The following PCBP3 variants were observed in gnomAD, a reference collection of about 807,000 sequenced individuals.
PCBP3 encodes the protein poly(rC) binding protein 3.
In PCBP3, 25 loss-of-function variants were observed where a neutral mutation model predicts 52.7. That is an observed-to-expected ratio of 0.47 (90% confidence interval 0.35 to 0.66). The LOEUF is 0.66. Ranked by LOEUF, PCBP3 falls within the 30% of genes least tolerant of loss-of-function variation. The pLI is 0.01. For synonymous variants in PCBP3, 162 were observed against 183.0 expected, an observed-to-expected ratio of 0.89 and a Z score of 0.93; for missense variants, 391 against 490.3, an observed-to-expected ratio of 0.80 and a Z score of 1.91.
chr21:45,878,149 A>G (rs1293349588), intron 5 of PCBP3, among the ~76,000 whole-genome samples: 1 of 152,356 alleles, frequency 6.6e-6, no homozygotes, highest in East Asian at 1.9e-4. Context: ...ATCCTGTGGC[A>G]GCAGTGGCTT....
At chr21:45,820,131 G>A (rs1369149065) in intron 4 of PCBP3, among the ~76,000 whole-genome samples, 1 of 152,248 alleles carries the variant, frequency 6.6e-6, no homozygotes, top group Non-Finnish European at 1.5e-5. Flanking sequence ...CTCCTCTGAA[G>A]GGAGTGGCGC....
At chr21:45,813,691 GC>G (rs1569256955) in intron 4 of PCBP3, among the ~76,000 whole-genome samples, 2 of 152,220 alleles carry the variant, frequency 1.3e-5, no homozygotes. Context: ...TGATCCACCT[GC>G]CTTGGCCTCC....
At chr21:45,931,541 C>A (rs551322515) in intron 15 of PCBP3, among the ~76,000 whole-genome samples, 1 of 152,366 alleles carries the variant, frequency 6.6e-6, no homozygotes, top group South Asian at 2.1e-4. Flanking sequence ...AGGAGACTTC[C>A]AGCGTGGGCT....
rs1324877695 is a variant in PCBP3, at chr21:45,815,164, AGTGAGTG to A, written c.-125-34782_-125-34776del. 8.0e-3 allele frequency among the ~76,000 whole-genome samples: 76 copies of A among 9,540 alleles called. 1 individual carries two copies. The highest frequency in any genetic ancestry group is 0.041 in the Admixed American group (34 of 830). The allele number at this position is 9,540 out of a possible 152,430, so 6.3% of individuals were successfully genotyped here. ...GGTGAGTGGTGAGTGAGTGGTGAGT[AGTGAGTG>A]GTGAGTGGTGAGTGAGTGGTGAGTG... On this transcript the variant is annotated intron_variant, in intron 4 of 17. Transcript: ENST00000681687.
intron 4 of PCBP3, among the ~76,000 whole-genome samples, chr21:45,804,216 T>A (rs1354654622): frequency 6.6e-6 from 1 of 152,250 alleles, no homozygotes; most frequent in Non-Finnish European, 1.5e-5. Flanking sequence ...CACCGGGCTT[T>A]GTGCTGCAGG....
chr21:45,784,994 G>A lies in PCBP3; in HGVS notation c.-126+29542G>A, dbSNP rs1453898324. On this transcript the variant is annotated intron_variant, in intron 4 of 17. Coordinates refer to ENST00000681687, the MANE Select transcript of PCBP3 (RefSeq NM_001384156.1). ...AAGTGAGGAGCGTCTCTGCCCGGCCGCCATCCCATCTAGGAAGTGAGGAGC... is the reference window on the plus strand; with the variant it reads ...AAGTGAGGAGCGTCTCTGCCCGGCCACCATCCCATCTAGGAAGTGAGGAGC... 2.6e-5 allele frequency among the ~76,000 whole-genome samples: 4 copies of A among 151,720 alleles called. No homozygotes were observed. In the East Asian group the frequency reaches 5.9e-4, roughly 22 times the overall value.
chr21:45,750,579 C>G, intron 3 of PCBP3: 1 of 152,396 alleles, frequency 6.6e-6, no homozygotes, highest in East Asian at 1.9e-4. Flanking sequence ...CTCTTTCGTT[C>G]CCCACCTTCC....
At chr21:45,939,863 C>G (rs902292405) in intron 16 of PCBP3, among the ~76,000 whole-genome samples, 167 bp from the exon 17 acceptor site, 4 of 152,160 alleles carry the variant, frequency 2.6e-5, no homozygotes, top group Non-Finnish European at 5.9e-5. Context: ...TCAGGCACCA[C>G]CTGCAGGCAG....
At chr21:45,730,162 T>A (rs1367732488) in intron 2 of PCBP3, among the ~76,000 whole-genome samples, 1 of 151,984 alleles carries the variant, frequency 6.6e-6, no homozygotes, top group Non-Finnish European at 1.5e-5. Context: ...AATCATTTAG[T>A]GCTGTTGATT....
chr21:45,646,676 G>T (rs1603060806), intron 1 of PCBP3, among the ~76,000 whole-genome samples: 1 of 152,232 alleles, frequency 6.6e-6, no homozygotes, highest in South Asian at 2.1e-4. Flanking sequence ...CCTCTTAAAG[G>T]TCCCACCTCT....
intron 4 of PCBP3, among the ~76,000 whole-genome samples, chr21:45,818,947 T>C (rs1380460055): frequency 6.6e-6 from 1 of 152,182 alleles, no homozygotes; most frequent in Non-Finnish European, 1.5e-5. Context: ...TATATGACAT[T>C]CTGGAAAAGA....
At position 45,800,194 on chromosome 21, in the gene PCBP3, C is replaced by T. The variant is rs142660535; in HGVS notation, c.-126+44742C>T. ...CTTCCAGAGGCACAGGCTGAGGGGC[C>T]AGGCAGCAGTTCCTCTCTTGCAGCT... is the stretch of plus-strand genomic sequence containing the variant. On this transcript the variant is annotated intron_variant, in intron 4 of 17. Transcript: ENST00000681687. This position sits in a 1 kb window ranked among gnomAD's most constrained non-coding sequence, Gnocchi z 5.3. Among the ~76,000 whole-genome samples, 570 of 152,262 alleles carry T rather than the reference C, an allele frequency of 3.7e-3. 2 individuals are homozygous for T. Among genetic ancestry groups the T allele is most frequent in the African/African-American group, 0.013 (550 of 41,564 alleles).
intron 4 of PCBP3, among the ~76,000 whole-genome samples, chr21:45,755,681 G>T (rs752119980): frequency 6.6e-6 from 1 of 152,104 alleles, no homozygotes; most frequent in South Asian, 2.1e-4. Flanking sequence ...CATGTGATAC[G>T]GAACCTTCCT....
intron 4 of PCBP3, among the ~76,000 whole-genome samples, chr21:45,822,588 A>G (rs2093172447): frequency 6.7e-6 from 1 of 150,290 alleles, no homozygotes; most frequent in African/African-American, 2.5e-5. Flanking sequence ...TTAGGAGAGC[A>G]AGGGGCGGAC....
intron 13 of PCBP3, among the ~76,000 whole-genome samples, chr21:45,923,262 G>A (rs927544280): frequency 3.9e-5 from 6 of 152,338 alleles, no homozygotes; most frequent in South Asian, 2.1e-4. Context: ...AGTCAATGCC[G>A]CATGCTCTGG....
At chr21:45,801,469 T>C (rs564068119) in intron 4 of PCBP3, among the ~76,000 whole-genome samples, 2 of 152,342 alleles carry the variant, frequency 1.3e-5, no homozygotes, top group East Asian at 3.9e-4. Flanking sequence ...ACAGACACAC[T>C]CAGGTTCCAT....
At position 45,917,849 on chromosome 21, in the gene PCBP3, T is replaced by C; in HGVS notation, c.717+220T>C. On this transcript the variant is annotated intron_variant, in intron 13 of 17. Coordinates refer to ENST00000681687, the MANE Select transcript of PCBP3 (RefSeq NM_001384156.1). This position sits in a 1 kb window ranked among gnomAD's most constrained non-coding sequence, Gnocchi z 5.3. ...GAGGACTTGGCCTGATGTCAAATTG[T>C]CTCAATTCTGCCGCAGTCCTGGGTT... 1.7e-6 allele frequency: 1 copy of C among 584,408 alleles called. No individual in the cohort carries two copies. Among genetic ancestry groups the C allele is most frequent in the Non-Finnish European group, 3.2e-6 (1 of 316,136 alleles). 36.2% of individuals were successfully genotyped at this position (584,408 alleles called of 1,614,324 possible).
intron 12 of PCBP3, chr21:45,916,068 C>T (rs1324402321): frequency 3.9e-5 from 6 of 152,292 alleles, no homozygotes; most frequent in Non-Finnish European, 7.3e-5. Context: ...GTTTCTAGCA[C>T]GACATGGTCG....
At chr21:45,726,522 C>G (rs1006726269) in intron 2 of PCBP3, among the ~76,000 whole-genome samples, 1 of 152,170 alleles carries the variant, frequency 6.6e-6, no homozygotes, top group Non-Finnish European at 1.5e-5. Flanking sequence ...TGGCAGCATC[C>G]TGACCCGCCC....
Sources: gnomAD v4.1 joint callset for allele counts (sites outside exome capture counted in the v4.1 genomes callset) on GRCh38, gnomAD v4.1.1 for gene constraint, Gnocchi (gnomAD v3.1) non-coding constraint, MANE v1.5 for transcripts, NCBI Gene and HGNC (gene_info 2026-07-23, HGNC 2026-07-21) for gene names.